The following TENM2 variants were observed in gnomAD, a reference collection of about 807,000 sequenced individuals.
The protein encoded by TENM2 is teneurin-2.
A neutral mutation model predicts 245.2 loss-of-function variants in TENM2; 52 were observed. That is an observed-to-expected ratio of 0.21 (90% CI 0.17 to 0.27). The LOEUF is 0.27. TENM2 is among the 10% of genes least tolerant of loss of function. The pLI, the probability that TENM2 is intolerant of heterozygous loss-of-function variation, is 1.00. For synonymous variants in TENM2, 1,363 were observed against 1,438.9 expected (o/e 0.95, Z 1.19); for missense variants, 3,046 against 3,666.8 (o/e 0.83, Z 4.37).
At chr5:166,987,131 T>G in the TENM2 span, among the ~76,000 whole-genome samples, 1 of 152,124 alleles carries the variant, frequency 6.6e-6, no homozygotes, top group African/African-American at 2.4e-5. Flanking sequence ...TTTATATGAT[T>G]TGTGTATGTT....
intron 7 of TENM2, among the ~76,000 whole-genome samples, chr5:168,080,411 T>G (rs1440062323): frequency 1.3e-5 from 2 of 152,340 alleles, no homozygotes; most frequent in South Asian, 2.1e-4. Flanking sequence ...TTTGAAGGAT[T>G]TTTTGTGTGT....
intron 2 of TENM2, among the ~76,000 whole-genome samples, chr5:167,768,048 G>C (rs530031798): frequency 5.8e-4 from 89 of 152,318 alleles, no homozygotes; most frequent in African/African-American, 2.0e-3. Flanking sequence ...CATGTGGCTA[G>C]AGTTGTTCAT....
At chr5:167,417,852 A>G (rs913246091) in intron 2 of TENM2, among the ~76,000 whole-genome samples, 3 of 152,166 alleles carry the variant, frequency 2.0e-5, no homozygotes, top group African/African-American at 7.2e-5. Context: ...GTGGATTTGC[A>G]TTCAATATTC....
At chr5:167,956,086 A>T (rs1332450357) in intron 4 of TENM2, among the ~76,000 whole-genome samples, 1 of 152,076 alleles carries the variant, frequency 6.6e-6, no homozygotes, top group Admixed American at 6.6e-5. Context: ...CACTATATTG[A>T]TTCTTCCTAT....
At chr5:167,790,344 A>G (rs2150890286) in intron 2 of TENM2, among the ~76,000 whole-genome samples, 1 of 152,318 alleles carries the variant, frequency 6.6e-6, no homozygotes, top group Admixed American at 6.5e-5. Flanking sequence ...AAAATTTTTA[A>G]GCTAAAAAAA....
At chr5:167,245,328 A>G in the TENM2 span, among the ~76,000 whole-genome samples, 2 of 152,204 alleles carry the variant, frequency 1.3e-5, no homozygotes, top group African/African-American at 4.8e-5. Flanking sequence ...AATCATAGTA[A>G]GGAAAATGTG....
intron 2 of TENM2, among the ~76,000 whole-genome samples, chr5:167,744,617 T>C (rs928532687): frequency 2.6e-5 from 4 of 152,152 alleles, no homozygotes; most frequent in Non-Finnish European, 4.4e-5. Flanking sequence ...GAAAGGTGCA[T>C]TGTGACATTT....
chr5:167,085,090 A>G, the TENM2 span, among the ~76,000 whole-genome samples: 2 of 152,164 alleles, frequency 1.3e-5, no homozygotes, highest in African/African-American at 2.4e-5. Context: ...AGTGACTCCA[A>G]GAGACAATGT....
At chr5:167,281,550 A>C (rs1019960559), upstream of TENM2, among the ~76,000 whole-genome samples, 1 of 152,038 alleles carries the variant, frequency 6.6e-6, no homozygotes, top group African/African-American at 2.4e-5. Context: ...ATTATATATA[A>C]TTTTCCATCA....
chr5:167,433,496 T>C (rs1232224077), intron 2 of TENM2, among the ~76,000 whole-genome samples: 1 of 152,188 alleles, frequency 6.6e-6, no homozygotes, highest in Non-Finnish European at 1.5e-5. Context: ...TCCCCTCTTA[T>C]GCTTTTTATT....
intron 25 of TENM2, among the ~76,000 whole-genome samples, chr5:168,235,628 G>A (rs555900844): frequency 5.3e-5 from 8 of 152,260 alleles, no homozygotes; most frequent in South Asian, 4.1e-4. Flanking sequence ...CCAACATGGC[G>A]AAACCCCATC....
intron 3 of TENM2, among the ~76,000 whole-genome samples, chr5:167,911,409 C>G (rs1776541207): frequency 6.6e-6 from 1 of 152,172 alleles, no homozygotes; most frequent in East Asian, 1.9e-4. Flanking sequence ...CGCCTGTAGT[C>G]CCAGCTACTC....
chr5:168,121,465 A>G (rs144690079), intron 10 of TENM2, among the ~76,000 whole-genome samples: 170 of 152,348 alleles, frequency 1.1e-3, no homozygotes, highest in African/African-American at 3.9e-3. Context: ...CTGTAATTAT[A>G]TAGCACAAAG....
rs796512035 is a variant in TENM2, at chr5:167,411,569, T to TGA, written c.502+36100_502+36101dup. 4.3e-3 allele frequency among the ~76,000 whole-genome samples: 573 copies of TGA among 132,908 alleles called. 4 individuals carry two copies. The highest frequency in any genetic ancestry group is 0.015 in the African/African-American group (494 of 34,024). The allele number at this position is 132,908 out of a possible 152,430, so 87.2% of individuals were successfully genotyped here. On this transcript the variant is annotated intron_variant, in intron 2 of 28. Coordinates refer to ENST00000518659, the Ensembl canonical transcript of TENM2. ...TTGTGTGTGCATGTGTATATGTAGG[T>TGA]GAGAGTGTGTGTGTGTGTGTGTGTG...
At chr5:167,714,219 AG>A (rs1194800553) in intron 2 of TENM2, among the ~76,000 whole-genome samples, 5 of 152,160 alleles carry the variant, frequency 3.3e-5, no homozygotes, top group African/African-American at 1.2e-4. Context: ...TTTGTTGTGA[AG>A]GGATCTTGAT....
intron 2 of TENM2, among the ~76,000 whole-genome samples, chr5:167,502,337 T>C (rs1769262437): frequency 6.6e-6 from 1 of 152,130 alleles, no homozygotes; most frequent in Admixed American, 6.6e-5. Context: ...ACTAATAGAA[T>C]GAATAGATGC....
chr5:167,420,423 G>A (rs1763434497), intron 2 of TENM2, among the ~76,000 whole-genome samples: 1 of 152,058 alleles, frequency 6.6e-6, no homozygotes, highest in Non-Finnish European at 1.5e-5. Context: ...AGTGGAGTGG[G>A]CTTTACACCC....
At chr5:167,299,976 G>A (rs996422096) in intron 1 of TENM2, among the ~76,000 whole-genome samples, 2 of 152,148 alleles carry the variant, frequency 1.3e-5, no homozygotes, top group Admixed American at 6.5e-5. Context: ...GTGATTTTTA[G>A]GGCCTTTAAA....
intron 5 of TENM2, among the ~76,000 whole-genome samples, chr5:168,007,319 T>C (rs1160820003): frequency 6.6e-6 from 1 of 152,066 alleles, no homozygotes; most frequent in Non-Finnish European, 1.5e-5. Context: ...AGTAGAGACG[T>C]GGTTTCACCA....
Sources: allele counts gnomAD v4.1 joint callset (sites outside exome capture counted in the v4.1 genomes callset), GRCh38; gene constraint gnomAD v4.1.1; transcripts MANE v1.5; gene names NCBI Gene and HGNC (gene_info 2026-07-23, HGNC 2026-07-21).